Variants in LPAR3 observed in about 807,000 individuals in gnomAD.
LPAR3 encodes lysophosphatidic acid receptor 3, also known as LPA receptor 3.
LPAR3 carries 7 observed loss-of-function variants against 17.8 expected under a neutral mutation model. That is an observed-to-expected ratio of 0.39 (90% CI 0.22 to 0.74). LPAR3 has a LOEUF of 0.74. Ranked by LOEUF, LPAR3 falls within the 30% of genes least tolerant of loss-of-function variation. LPAR3 has a pLI of 0.40. For synonymous variants in LPAR3, 179 were observed against 179.9 expected, an observed-to-expected ratio of 0.99 and a Z score of 0.04; for missense variants, 391 against 453.4, an observed-to-expected ratio of 0.86 and a Z score of 1.25.
chr1:84,813,764 T>C lies in LPAR3; in HGVS notation c.*82A>G, dbSNP rs939460438. 4 of 1,154,078 alleles carry C rather than the reference T, an allele frequency of 3.5e-6. No individual in the cohort carries two copies. The highest frequency in any genetic ancestry group is 2.5e-5 in the East Asian group (1 of 40,550). 71.5% of individuals were successfully genotyped at this position (1,154,078 alleles called of 1,614,324 possible). A position where few individuals can be genotyped will look rare whatever the true frequency, so the allele number is the denominator to read the frequency against. ...TGGAGACCTCAAATAACACTGTACA[T>C]GGGCTTTGTTAGAGACAGGTAATCA... is the stretch of plus-strand genomic sequence containing the variant. On this transcript the variant is annotated 3_prime_UTR_variant, in exon 3 of 3. Transcript: ENST00000370611.
chr1:84,821,006 T>C lies in LPAR3; in HGVS notation c.737-6835A>G, dbSNP rs1385012317. 2.0e-5 allele frequency among the ~76,000 whole-genome samples: 3 copies of C among 151,274 alleles called. No individual in the cohort carries two copies. The East Asian group carries it at 5.8e-4, about 29-fold the overall frequency. On this transcript the variant is annotated intron_variant, in intron 2 of 2. Transcript: ENST00000370611. The stretch of plus-strand genomic sequence containing the variant: ...TAGTAAGGGCATGTTCCATAAAACT[T>C]GTTTCAATTACACAGAAAAATAAGT...
intron 2 of LPAR3, among the ~76,000 whole-genome samples, chr1:84,853,107 G>GAAAA (rs34146882): frequency 1.1e-4 from 16 of 141,518 alleles, no homozygotes; most frequent in Non-Finnish European, 1.4e-4. Context: ...GAAAAGAAAA[G>GAAAA]AAAAAAAAAA....
chr1:84,886,431 TAGG>T (rs1409131052), intron 1 of LPAR3, among the ~76,000 whole-genome samples: 1 of 152,050 alleles, frequency 6.6e-6, no homozygotes, highest in African/African-American at 2.4e-5. Flanking sequence ...GAGGCTGAGA[TAGG>T]AGGACTGCTC....
intron 2 of LPAR3, among the ~76,000 whole-genome samples, chr1:84,834,796 C>G (rs896289988): frequency 6.6e-6 from 1 of 152,168 alleles, no homozygotes; most frequent in Admixed American, 6.5e-5. Flanking sequence ...GGGTGCCTAT[C>G]TATCCTCCCA....
chr1:84,834,040 G>C (rs1038265972), intron 2 of LPAR3, among the ~76,000 whole-genome samples: 2 of 152,210 alleles, frequency 1.3e-5, no homozygotes, highest in African/African-American at 4.8e-5. Flanking sequence ...AAGCTGTCCA[G>C]ATGGAGTTAA....
Position 84,865,956 on chromosome 1 carries a change from C to T in LPAR3, c.165G>A (p.Val55=), listed in dbSNP as rs1206425173. ...GGAAATGAAATTTTCTGTTTTTGAT[C>T]ACTGCCGCGATGACCAGAGAATTAG... ...FFSNSLVIAA[V]IKNRKFHFPF... Residue 55 remains valine (V), a synonymous_variant, in exon 2 of 3, where the codon GTG becomes GTA. Transcript: ENST00000370611. 3 of 1,614,024 alleles carry T rather than the reference C, an allele frequency of 1.9e-6. No individual in the cohort carries two copies. Among genetic ancestry groups the T allele is most frequent in the East Asian group, 2.2e-5 (1 of 44,886 alleles).
intron 2 of LPAR3, among the ~76,000 whole-genome samples, chr1:84,855,511 G>A (rs1427715266): frequency 1.1e-4 from 16 of 152,110 alleles, no homozygotes; most frequent in Admixed American, 1.0e-3. Flanking sequence ...TTTGAGAAAT[G>A]TTTCTCCACC....
At chr1:84,851,239 C>T (rs1659704725) in intron 2 of LPAR3, among the ~76,000 whole-genome samples, 1 of 152,182 alleles carries the variant, frequency 6.6e-6, no homozygotes, top group Non-Finnish European at 1.5e-5. Flanking sequence ...GACAATTATC[C>T]ATAAAAATGC....
intron 2 of LPAR3, among the ~76,000 whole-genome samples, chr1:84,857,296 A>G (rs1374130584): frequency 1.3e-5 from 2 of 152,280 alleles, no homozygotes; most frequent in East Asian, 1.9e-4. Flanking sequence ...TGTACCAAAC[A>G]TTATGCTAGG....
intron 2 of LPAR3, among the ~76,000 whole-genome samples, chr1:84,829,072 T>G (rs1180643426): frequency 6.7e-6 from 1 of 149,886 alleles, no homozygotes; most frequent in South Asian, 2.1e-4. Flanking sequence ...TTTTTCTTTG[T>G]GCCATGTAAA....
chr1:84,877,903 T>C (rs1368459259), intron 1 of LPAR3, among the ~76,000 whole-genome samples: 1 of 152,112 alleles, frequency 6.6e-6, no homozygotes, highest in Non-Finnish European at 1.5e-5. Flanking sequence ...GGTCGATGTG[T>C]TAGTTAGTTG....
intron 2 of LPAR3, among the ~76,000 whole-genome samples, chr1:84,855,088 C>T (rs1435128180): frequency 1.3e-5 from 2 of 152,122 alleles, no homozygotes; most frequent in Non-Finnish European, 2.9e-5. Flanking sequence ...CTCTTGGTTC[C>T]CTTACCCCTT....
At chr1:84,860,680 G>T (rs531521355) in intron 2 of LPAR3, among the ~76,000 whole-genome samples, 1 of 151,620 alleles carries the variant, frequency 6.6e-6, no homozygotes, top group Non-Finnish European at 1.5e-5. Flanking sequence ...TGTACTTAGA[G>T]ACTGACTTTC....
intron 2 of LPAR3, among the ~76,000 whole-genome samples, chr1:84,859,685 A>G (rs558393573): frequency 1.3e-5 from 2 of 152,126 alleles, no homozygotes; most frequent in South Asian, 4.2e-4. Flanking sequence ...TTACAATCTC[A>G]TCAGTGCATC....
chr1:84,846,005 G>T (rs1381550573), intron 2 of LPAR3, among the ~76,000 whole-genome samples: 1 of 152,110 alleles, frequency 6.6e-6, no homozygotes, highest in Non-Finnish European at 1.5e-5. Flanking sequence ...TCATATAAGA[G>T]GGCTCATTTC....
chr1:84,868,752 T>C (rs1660102747), intron 1 of LPAR3, among the ~76,000 whole-genome samples: 1 of 152,208 alleles, frequency 6.6e-6, no homozygotes, highest in Non-Finnish European at 1.5e-5. Context: ...TGCCCCCTTC[T>C]GGAAGCAGAG....
intron 2 of LPAR3, among the ~76,000 whole-genome samples, chr1:84,825,203 T>G (rs1001650533): frequency 6.6e-6 from 1 of 152,200 alleles, no homozygotes; most frequent in African/African-American, 2.4e-5. Context: ...AAGACAAACA[T>G]GGATGCTCTG....
chr1:84,837,025 ATTTTT>A (rs397775811), intron 2 of LPAR3, among the ~76,000 whole-genome samples: 1 of 141,390 alleles, frequency 7.1e-6, no homozygotes, highest in African/African-American at 2.6e-5. Context: ...TACTTTATCA[ATTTTT>A]TTTTTTTTTT....
In LPAR3 at chr1:84,843,601, G is replaced by C. The variant is rs189775540; in HGVS notation, c.736+21784C>G. ...AGGGGTTGCGTGAAACGCCACACCTGCTGGGTGTTGGCAGAGACTCGCTGA... is the reference window on the plus strand; with the variant it reads ...AGGGGTTGCGTGAAACGCCACACCTCCTGGGTGTTGGCAGAGACTCGCTGA... On this transcript the variant is annotated intron_variant, in intron 2 of 2. Transcript: ENST00000370611. 3.0e-4 allele frequency among the ~76,000 whole-genome samples: 46 copies of C among 152,376 alleles called. No individual in the cohort carries two copies. In the East Asian group the frequency reaches 6.5e-3, roughly 22 times the overall value.
Sources: gnomAD v4.1 joint callset for allele counts (sites outside exome capture counted in the v4.1 genomes callset) on GRCh38, gnomAD v4.1.1 for gene constraint, MANE v1.5 for transcripts, NCBI Gene and HGNC (gene_info 2026-07-23, HGNC 2026-07-21) for gene names.